ZSCAN21: variants seen among roughly 807,000 people sequenced by gnomAD.
ZSCAN21 encodes zinc finger and SCAN domain containing 21.
A neutral mutation model predicts 35.6 loss-of-function variants in ZSCAN21; 26 were observed. The observed-to-expected ratio is 0.73, with a 90% CI of 0.54 to 1.01. ZSCAN21 has a LOEUF of 1.01. Among genes scored for constraint, ZSCAN21 ranks in the 50% least tolerant of loss-of-function variants. The pLI, the probability that ZSCAN21 is intolerant of heterozygous loss-of-function variation, is 0.00. For missense variants in ZSCAN21, 593 were observed against 587.1 expected (o/e 1.01, Z -0.10); for synonymous variants, 219 against 219.3 (o/e 1.00, Z 0.01).
chr7:100,057,702 C>T lies in ZSCAN21; in HGVS notation c.404C>T (p.Ser135Leu). 6.2e-7 allele frequency: 1 copy of T among 1,609,080 alleles called. No individual in the cohort carries two copies. The highest frequency in any genetic ancestry group is 1.7e-4 in the Middle Eastern group (1 of 6,028). The change falls in exon 3 of 4, where the codon TCA becomes TTA. Residue 135 changes from serine (S) to leucine (L), a missense_variant. Ser to Leu is a moderately radical substitution (Grantham distance 145, BLOSUM62 -2). Coordinates refer to ENST00000292450, the MANE Select transcript of ZSCAN21 (RefSeq NM_145914.3). ...GCCATTCCTGATTGTCTCTAGGTCT[C>T]AACTCCTCCAAACGAACAGAAACCG... ...RELDEPGHQV[S>L]TPPNEQKPVW... is the part of the protein sequence containing the mutation.
Position 100,063,991 on chromosome 7 carries a change from G to A in ZSCAN21, c.796G>A (p.Val266Ile), listed in dbSNP as rs146827623. 421 of 1,614,164 alleles carry A rather than the reference G, an allele frequency of 2.6e-4. No individual in the cohort carries two copies. Among genetic ancestry groups the A allele is most frequent in the Admixed American group, 5.7e-4 (34 of 60,004 alleles). ...AGGCTCCAAGAAAGGTAGAGAATCA[G>A]TTCCTACTAAACCTACCCCAGGAGA... is the stretch of plus-strand genomic sequence containing the variant. ...EAGSKKGRES[V>I]PTKPTPGERR... The change falls in exon 4 of 4, where the codon GTT becomes ATT. Residue 266 changes from valine (V) to isoleucine (I), a missense_variant. Val to Ile is a conservative substitution (Grantham distance 29). Transcript: ENST00000292450.
At chr7:100,062,441 C>T (rs1273462080) in intron 3 of ZSCAN21, among the ~76,000 whole-genome samples, 1 of 151,146 alleles carries the variant, frequency 6.6e-6, no homozygotes, top group Non-Finnish European at 1.5e-5. Flanking sequence ...ACTAAAAATA[C>T]AAAATAAGCC....
At chr7:100,053,546 A>ATACATAGTTTTTTTTTTTTTTTTTTTT (rs755978112) in intron 1 of ZSCAN21, among the ~76,000 whole-genome samples, 2 of 79,488 alleles carry the variant, frequency 2.5e-5, no homozygotes, top group Non-Finnish European at 2.6e-5. Context: ...TACATACATA[A>ATACATAGTTTTTTTTTTTTTTTTTTTT]TTTTTTTTTT....
Position 100,064,526 on chromosome 7 carries a change from A to C in ZSCAN21, c.1331A>C (p.Tyr444Ser), listed in dbSNP as rs752609278. The change falls in exon 4 of 4, where the codon TAC (tyrosine) becomes TCC (serine). Residue 444 changes from tyrosine (Y) to serine (S), a missense_variant. Physicochemically the swap from Tyr to Ser is moderately radical, Grantham distance 144. Coordinates refer to ENST00000292450, the MANE Select transcript of ZSCAN21 (RefSeq NM_145914.3). The stretch of plus-strand genomic sequence containing the variant: ...AGAATCCACACCGGGGAAAAGCCCT[A>C]CTGGTGTCATCACTGTGGAAAGACC... ...HHRIHTGEKP[Y>S]WCHHCGKTFC... 6.2e-7 allele frequency: 1 copy of C among 1,614,212 alleles called. No homozygotes were observed. Among genetic ancestry groups the C allele is most frequent in the Non-Finnish European group, 8.5e-7 (1 of 1,180,042 alleles).
At position 100,064,552 on chromosome 7, in the gene ZSCAN21, T is replaced by A. The variant is rs751857595; in HGVS notation, c.1357T>A (p.Phe453Ile). The A allele has an allele frequency of 1.0e-4, 165 of 1,614,068 alleles. No homozygotes were observed. The highest frequency in any genetic ancestry group is 1.3e-4 in the Non-Finnish European group (158 of 1,180,036). The change falls in exon 4 of 4, where the codon TTC (phenylalanine) becomes ATC (isoleucine). Residue 453 changes from phenylalanine (F) to isoleucine (I), a missense_variant. Coordinates refer to ENST00000292450, the MANE Select transcript of ZSCAN21 (RefSeq NM_145914.3). ...CTGGTGTCATCACTGTGGAAAGACC[T>A]TCTGTAGCAAGTCCAATCTTTCCAA... ...PYWCHHCGKTFCSKSNLSKHQ... is the reference protein window; with the variant it reads ...PYWCHHCGKTICSKSNLSKHQ...
intron 1 of ZSCAN21, among the ~76,000 whole-genome samples, chr7:100,052,417 A>G (rs2116057575): frequency 6.6e-6 from 1 of 152,202 alleles, no homozygotes; most frequent in East Asian, 1.9e-4. Context: ...CAACAGGCTA[A>G]GACACTGTCT....
In ZSCAN21 at chr7:100,063,862, G is replaced by T. The variant is rs1244333127; in HGVS notation, c.667G>T (p.Asp223Tyr). ...TTCTGAAGCAGAGGGGCTCAAAGGGGATATAATTTCTGTGATTATCGCCAA... is the reference window on the plus strand; with the variant it reads ...TTCTGAAGCAGAGGGGCTCAAAGGGTATATAATTTCTGTGATTATCGCCAA... ...KGSEAEGLKG[D>Y]IISVIIANKP... The change falls in exon 4 of 4, where the codon GAT (aspartate) becomes TAT (tyrosine). Residue 223 changes from aspartate (D) to tyrosine (Y), a missense_variant. By Grantham distance (160) the Asp-to-Tyr change is radical. Transcript: ENST00000292450. 2 of 1,614,104 alleles carry T rather than the reference G, an allele frequency of 1.2e-6. No homozygotes were observed. Among genetic ancestry groups the T allele is most frequent in the Non-Finnish European group, 1.7e-6 (2 of 1,180,030 alleles).
chr7:100,057,749 T>C lies in ZSCAN21; in HGVS notation c.451T>C (p.Ser151Pro). ...ACCGGTGTGGGAGAAGATATCCTCC[T>C]CAGGAACTGCAAAGGAATCCCCGAG... ...QKPVWEKISS[S>P]GTAKESPSSM... The change falls in exon 3 of 4, where the codon TCA (serine) becomes CCA (proline). Residue 151 changes from serine (S) to proline (P), a missense_variant. By Grantham distance (74) the Ser-to-Pro change is moderately conservative. Coordinates refer to ENST00000292450, the MANE Select transcript of ZSCAN21 (RefSeq NM_145914.3). The C allele has an allele frequency of 1.9e-6, 3 of 1,613,936 alleles. No homozygotes were observed. Among genetic ancestry groups the C allele is most frequent in the Non-Finnish European group, 2.5e-6 (3 of 1,179,962 alleles).
At chr7:100,056,074 G>A (rs1792064412) in intron 1 of ZSCAN21, among the ~76,000 whole-genome samples, 1 of 151,438 alleles carries the variant, frequency 6.6e-6, no homozygotes, top group South Asian at 2.1e-4. Flanking sequence ...CAAGTAGCTG[G>A]GACTACAGGC....
chr7:100,055,023 T>C (rs1029922158), intron 1 of ZSCAN21, among the ~76,000 whole-genome samples: 1 of 149,902 alleles, frequency 6.7e-6, no homozygotes, highest in African/African-American at 2.5e-5. Context: ...TGGTGCAATC[T>C]TGGCTCACTG....
In ZSCAN21 at chr7:100,064,514, G is replaced by A. The variant is rs759006406; in HGVS notation, c.1319G>A (p.Gly440Glu). 1.9e-6 allele frequency: 3 copies of A among 1,614,088 alleles called. No individual in the cohort carries two copies. Among genetic ancestry groups the A allele is most frequent in the Admixed American group, 3.3e-5 (2 of 60,014 alleles). ...AATAAACACCACAGAATCCACACCG[G>A]GGAAAAGCCCTACTGGTGTCATCAC... Reference protein sequence around the residue: ...NFNKHHRIHTGEKPYWCHHCG... With the variant: ...NFNKHHRIHTEEKPYWCHHCG... Residue 440 changes from glycine to glutamate, a missense_variant, in exon 4 of 4, where the codon GGG becomes GAG. Coordinates refer to ENST00000292450, the MANE Select transcript of ZSCAN21 (RefSeq NM_145914.3).
chr7:100,057,452 A>G (rs1792119917), intron 2 of ZSCAN21, 47 bp downstream of exon 2: 2 of 1,505,414 alleles, frequency 1.3e-6, no homozygotes, highest in Non-Finnish European at 1.8e-6. Context: ...GGAGCGTAAC[A>G]TTCTAGGCAG....
Position 100,064,438 on chromosome 7 carries a change from C to G in ZSCAN21, c.1243C>G (p.Pro415Ala). 1 of 1,614,052 alleles carries G rather than the reference C, an allele frequency of 6.2e-7. No homozygotes were observed. Among genetic ancestry groups the G allele is most frequent in the Non-Finnish European group, 8.5e-7 (1 of 1,180,016 alleles). Residue 415 changes from proline (P) to alanine (A), a missense_variant, in exon 4 of 4, where the codon CCA becomes GCA. Coordinates refer to ENST00000292450, the MANE Select transcript of ZSCAN21 (RefSeq NM_145914.3). ...CCAGAGACTCCACACCGGAGAGAAG[C>G]CATATAAGTGTAAGGAGTGTGGGAA... ...SHQRLHTGEKPYKCKECGKAF... is the reference protein window; with the variant it reads ...SHQRLHTGEKAYKCKECGKAF...
rs774647848 is a variant in ZSCAN21 at position 100,064,250 on chromosome 7, G to A, written c.1055G>A (p.Arg352Lys). 4.9e-5 allele frequency: 79 copies of A among 1,614,024 alleles called. No homozygotes were observed. Among genetic ancestry groups the A allele is most frequent in the Middle Eastern group, 3.3e-4 (2 of 6,084 alleles). ...AGCTCAGACCTTCTTAAACATCAGA[G>A]AATGCACACAGAAGAGGCGCCATAT... ...GQSSDLLKHQ[R>K]MHTEEAPYQC... Residue 352 changes from arginine (R) to lysine (K), a missense_variant, in exon 4 of 4, where the codon AGA (arginine) becomes AAA (lysine). Coordinates refer to ENST00000292450, the MANE Select transcript of ZSCAN21 (RefSeq NM_145914.3).
rs369246193 is a variant in ZSCAN21, at chr7:100,051,178, C to CAAAAAAAAAAAAAAAAAAAAAAAAAA, written c.-97+1362_-97+1363insAAAAAAAAAAAAAAAAAAAAAAAAAA. ...GGGAAACAAGAGTGAAACTACGTCT[C>CAAAAAAAAAAAAAAAAAAAAAAAAAA]AAAAAAAAAAAAAAAAAAAAAAAAA... On this transcript the variant is annotated intron_variant, in intron 1 of 3. Transcript: ENST00000292450. Among the ~76,000 whole-genome samples, 47 of 41,362 alleles carry CAAAAAAAAAAAAAAAAAAAAAAAAAA rather than the reference C, an allele frequency of 1.1e-3. 3 individuals carry two copies. Among genetic ancestry groups the CAAAAAAAAAAAAAAAAAAAAAAAAAA allele is most frequent in the Non-Finnish European group, 1.6e-3 (36 of 23,130 alleles). The allele number at this position is 41,362 out of a possible 152,430, so 27.1% of individuals were successfully genotyped here.
chr7:100,051,178 CAAAAA>C (rs369246193), intron 1 of ZSCAN21, among the ~76,000 whole-genome samples: 89 of 41,362 alleles, frequency 2.2e-3, no homozygotes, highest in South Asian at 3.7e-3. Flanking sequence ...AACTACGTCT[CAAAAA>C]AAAAAAAAAA....
rs1792538834 is a variant in ZSCAN21, at chr7:100,064,574, C to G, written c.1379C>G (p.Ser460Cys). ...GKTFCSKSNL[S>C]KHQRVHTGEG... ...ACCTTCTGTAGCAAGTCCAATCTTT[C>G]CAAACATCAGCGAGTCCACACTGGA... The change falls in exon 4 of 4, where the codon TCC becomes TGC. Residue 460 changes from serine (S) to cysteine (C), a missense_variant. Physicochemically the swap from Ser to Cys is moderately radical, Grantham distance 112 (BLOSUM62 -1). Coordinates refer to ENST00000292450, the MANE Select transcript of ZSCAN21 (RefSeq NM_145914.3). 6.2e-7 allele frequency: 1 copy of G among 1,614,224 alleles called. No individual in the cohort carries two copies.
intron 1 of ZSCAN21, among the ~76,000 whole-genome samples, chr7:100,052,790 G>A (rs1000798357): frequency 5.3e-5 from 8 of 152,032 alleles, no homozygotes; most frequent in African/African-American, 1.7e-4. Context: ...CCCTCTACTC[G>A]TTTGTAGTCT....
At chr7:100,058,144 G>A (rs1431586688) in intron 3 of ZSCAN21, among the ~76,000 whole-genome samples, 1 of 151,948 alleles carries the variant, frequency 6.6e-6, no homozygotes, top group Non-Finnish European at 1.5e-5. Flanking sequence ...TTTTTTAAAG[G>A]GTCAATTGAA....
Sources: allele counts gnomAD v4.1 joint callset (sites outside exome capture counted in the v4.1 genomes callset), GRCh38; gene constraint gnomAD v4.1.1; transcripts MANE v1.5; gene names NCBI Gene and HGNC (gene_info 2026-07-23, HGNC 2026-07-21).